The following DLC1 variants were observed in gnomAD, a reference collection of about 807,000 sequenced individuals.
The protein encoded by DLC1 is rho GTPase-activating protein 7.
Under a neutral mutation model 140.3 loss-of-function variants are expected in DLC1, and 54 were observed. The ratio of observed to expected loss-of-function variants is 0.38; its 90% CI spans 0.31 to 0.48. The LOEUF (loss-of-function observed/expected upper bound fraction) is 0.48. DLC1 is among the 20% of genes least tolerant of loss of function. The pLI, the probability that DLC1 is intolerant of heterozygous loss-of-function variation, is 0.96. For missense variants in DLC1, 2,536 were observed against 1,907.0 expected (o/e 1.33, Z -6.14); for synonymous variants, 986 against 728.1 (o/e 1.35, Z -5.70).
At chr8:13,152,740 T>C (rs1231047832) in intron 5 of DLC1, among the ~76,000 whole-genome samples, 1 of 141,358 alleles carries the variant, frequency 7.1e-6, no homozygotes, top group East Asian at 2.1e-4. Flanking sequence ...CACCAGAGTC[T>C]GGGGAGGTCA....
chr8:13,123,860 G>C lies in DLC1; in HGVS notation c.1349-8203C>G, dbSNP rs192997922. 2.8e-3 allele frequency among the ~76,000 whole-genome samples: 423 copies of C among 152,200 alleles called. 3 individuals are homozygous for C. The highest frequency in any genetic ancestry group is 4.3e-3 in the Non-Finnish European group (291 of 68,012). On this transcript the variant is annotated intron_variant, in intron 5 of 17. Transcript: ENST00000276297. ...AACCACTCATACAATTTTTGTTCTA[G>C]TAAGTGGTCTTAATTTTTCTGACCA...
In DLC1 at chr8:13,453,417, T is replaced by TATATATGTGTATATATATATAC. The variant is rs1563359668; in HGVS notation, c.1023+45631_1023+45632insGTATATATATATACACATATAT. Among the ~76,000 whole-genome samples the TATATATGTGTATATATATATAC allele has an allele frequency of 9.9e-4, 50 of 50,318 alleles. 3 individuals carry two copies. The highest frequency in any genetic ancestry group is 1.5e-3 in the Non-Finnish European group (48 of 31,426). The allele number at this position is 50,318 out of a possible 152,430, so 33.0% of individuals were successfully genotyped here. ...ATATATATATGTGTATATATATATATATATATGTGTATATATATATGTATA... is the reference window on the plus strand; with the variant it reads ...ATATATATATGTGTATATATATATATATATATGTGTATATATATATACATATATGTGTATATATATATGTATA... On this transcript the variant is annotated intron_variant, in intron 2 of 17. Coordinates refer to ENST00000276297, the MANE Select transcript of DLC1 (RefSeq NM_182643.3).
chr8:13,381,595 G>C (rs144044393), intron 4 of DLC1, among the ~76,000 whole-genome samples: 1 of 152,170 alleles, frequency 6.6e-6, no homozygotes, highest in African/African-American at 2.4e-5. Flanking sequence ...CTTCTATGAC[G>C]TAAGAACATT....
chr8:13,454,800 T>C (rs1445074663), intron 2 of DLC1, among the ~76,000 whole-genome samples: 1 of 152,192 alleles, frequency 6.6e-6, no homozygotes, highest in African/African-American at 2.4e-5. Flanking sequence ...GTGATCCTCC[T>C]GCTTTGGCCT....
At chr8:13,388,866 C>G (rs1394326504) in intron 4 of DLC1, among the ~76,000 whole-genome samples, 1 of 151,952 alleles carries the variant, frequency 6.6e-6, no homozygotes, top group South Asian at 2.1e-4. Context: ...AGGAGCCAGC[C>G]ATTTTTTTTA....
At chr8:13,498,758 C>T (rs1244248907) in intron 2 of DLC1, 1 of 274,562 alleles carries the variant, frequency 3.6e-6, no homozygotes, top group African/African-American at 2.2e-5. Flanking sequence ...TATCTAGTGG[C>T]TATTTAATTC....
chr8:13,541,033 A>C (rs1803465749), intron 1 of DLC1, among the ~76,000 whole-genome samples: 1 of 152,226 alleles, frequency 6.6e-6, no homozygotes, highest in Non-Finnish European at 1.5e-5. Flanking sequence ...CTATTTCTTC[A>C]TTAGCTCTAT....
intron 5 of DLC1, among the ~76,000 whole-genome samples, chr8:13,197,394 G>C (rs1230996568): frequency 1.3e-5 from 2 of 151,650 alleles, no homozygotes; most frequent in Non-Finnish European, 2.9e-5. Flanking sequence ...TGTCGCCCAG[G>C]CTGGAGTGCA....
At chr8:13,355,952 TA>T (rs1226936702) in intron 4 of DLC1, among the ~76,000 whole-genome samples, 1 of 151,252 alleles carries the variant, frequency 6.6e-6, no homozygotes, top group Non-Finnish European at 1.5e-5. Flanking sequence ...TAGCCAGGCA[TA>T]GTGGCGGGCA....
At chr8:13,547,280 G>A (rs986954596) in intron 1 of DLC1, among the ~76,000 whole-genome samples, 4 of 151,922 alleles carry the variant, frequency 2.6e-5, no homozygotes, top group South Asian at 2.1e-4. Flanking sequence ...TATTTTCATA[G>A]CTTTTTGCAT....
chr8:13,312,386 A>AAAAAAAAAATAATAAT lies in DLC1; in HGVS notation c.1315-7085_1315-7084insATTATTATTTTTTTTT, dbSNP rs71207139. ...AAAAAAAAAAAAAAAAAAAAAAAAA[A>AAAAAAAAAATAATAAT]AATAATTTCTTTAGCAAGCTAGATA... On this transcript the variant is annotated intron_variant, in intron 4 of 17. Transcript: ENST00000276297. Among the ~76,000 whole-genome samples the AAAAAAAAAATAATAAT allele has an allele frequency of 1.0e-3, 85 of 81,702 alleles. 6 individuals are homozygous for AAAAAAAAAATAATAAT. Among genetic ancestry groups the AAAAAAAAAATAATAAT allele is most frequent in the African/African-American group, 1.4e-3 (32 of 22,408 alleles). 53.6% of individuals were successfully genotyped at this position (81,702 alleles called of 152,430 possible).
At chr8:13,162,632 C>T (rs116825023) in intron 5 of DLC1, among the ~76,000 whole-genome samples, 325 of 152,236 alleles carry the variant, frequency 2.1e-3, no homozygotes, top group African/African-American at 7.6e-3. Context: ...CAGTAGGCTA[C>T]AGTTTTAAAC....
intron 5 of DLC1, among the ~76,000 whole-genome samples, chr8:13,165,572 C>G (rs979779392): frequency 6.6e-6 from 1 of 152,182 alleles, no homozygotes; most frequent in Non-Finnish European, 1.5e-5. Context: ...GACACTTGGC[C>G]AGGATTTCTG....
Position 13,095,244 on chromosome 8 carries a change from C to T in DLC1, c.3169G>A (p.Ala1057Thr). Residue 1057 changes from alanine to threonine, a missense_variant and splice_region_variant, in exon 11 of 18, where the codon GCC becomes ACC. Transcript: ENST00000276297. The stretch of plus-strand genomic sequence containing the variant: ...ATCCTCTTCATGAACTTGGGCACGG[C>T]CCTGTTAAAGAACACAGAGATGGTG... ...TPSNKHGFSW[A>T]VPKFMKRIKV... 6.2e-7 allele frequency: 1 copy of T among 1,614,218 alleles called. No individual in the cohort carries two copies. Among genetic ancestry groups the T allele is most frequent in the Non-Finnish European group, 8.5e-7 (1 of 1,180,038 alleles).
At chr8:13,222,122 G>A (rs1445492840) in intron 5 of DLC1, among the ~76,000 whole-genome samples, 3 of 151,500 alleles carry the variant, frequency 2.0e-5, no homozygotes, top group African/African-American at 4.9e-5. Context: ...GCAAACTTTG[G>A]TGTTCATGTT....
chr8:13,455,987 C>T (rs1333482768), intron 2 of DLC1, among the ~76,000 whole-genome samples: 3 of 152,186 alleles, frequency 2.0e-5, no homozygotes, highest in Non-Finnish European at 2.9e-5. Context: ...TTTGTTGATT[C>T]ATTCATTTGT....
chr8:13,309,396 C>T (rs1832579197), intron 4 of DLC1, among the ~76,000 whole-genome samples: 1 of 152,164 alleles, frequency 6.6e-6, no homozygotes, highest in Admixed American at 6.5e-5. Flanking sequence ...CTCCAACCCT[C>T]TATGTTGAGA....
chr8:13,529,335 T>C lies in DLC1; in HGVS notation c.-125-29139A>G, dbSNP rs536584698. Among the ~76,000 whole-genome samples, 7 of 152,300 alleles carry C rather than the reference T, an allele frequency of 4.6e-5. No homozygotes were observed. The South Asian group carries it at 1.2e-3, about 27-fold the overall frequency. On this transcript the variant is annotated intron_variant, in intron 1 of 1. Transcript: ENST00000631382. The stretch of plus-strand genomic sequence containing the variant: ...ACCTGATAATTTCTATAATTAGACA[T>C]GCATTATACCCTACAATAATTTGAG...
intron 1 of DLC1, among the ~76,000 whole-genome samples, chr8:13,527,731 G>C (rs181553489): frequency 3.3e-5 from 5 of 152,166 alleles, no homozygotes; most frequent in African/African-American, 9.6e-5. Context: ...GAGGTATCTG[G>C]TCAAGGTCCA....
Sources: gnomAD v4.1 joint callset for allele counts (sites outside exome capture counted in the v4.1 genomes callset) on GRCh38, gnomAD v4.1.1 for gene constraint, MANE v1.5 for transcripts, NCBI Gene and HGNC (gene_info 2026-07-23, HGNC 2026-07-21) for gene names.